The following MCF2L2 variants were observed in gnomAD, a reference collection of about 807,000 sequenced individuals.
MCF2L2 encodes the protein probable guanine nucleotide exchange factor MCF2L2.
In MCF2L2, 102 loss-of-function variants were observed where a neutral mutation model predicts 150.2. That is an observed-to-expected ratio of 0.68 (90% CI 0.58 to 0.80). The LOEUF is 0.80. Among genes scored for constraint, MCF2L2 ranks in the 30% least tolerant of loss-of-function variants. The probability of loss-of-function intolerance (pLI) is 0.00; values close to 1 mark genes in which losing one functional copy is unlikely to be tolerated. For missense variants in MCF2L2, 1,256 were observed against 1,372.8 expected (o/e 0.91, Z 1.34); for synonymous variants, 465 against 491.3 (o/e 0.95, Z 0.71).
At chr3:183,359,955 G>A (rs1046714715) in intron 3 of MCF2L2, among the ~76,000 whole-genome samples, 19 of 152,158 alleles carry the variant, frequency 1.2e-4, no homozygotes, top group African/African-American at 4.6e-4. Flanking sequence ...GCTGGAAAAC[G>A]TGGGTATTGA....
At chr3:183,323,163 C>A in intron 6 of MCF2L2, 72 bp downstream of exon 6, 1 of 1,128,494 alleles carries the variant, frequency 8.9e-7, no homozygotes, top group Non-Finnish European at 1.3e-6. Flanking sequence ...GGCAGTTGAT[C>A]TTTAACTCCC....
At chr3:183,335,774 G>A (rs1054347406) in intron 5 of MCF2L2, among the ~76,000 whole-genome samples, 38 of 152,180 alleles carry the variant, frequency 2.5e-4, no homozygotes, top group African/African-American at 8.2e-4. Context: ...CAGGATGATC[G>A]CTCAAGCCCA....
At chr3:183,231,194 A>G in intron 15 of MCF2L2, 177 bp from the exon 16 acceptor site, 1 of 685,056 alleles carries the variant, frequency 1.5e-6, no homozygotes, top group Non-Finnish European at 2.7e-6. Context: ...GCATCTCACA[A>G]ACGCACACTG....
At chr3:183,274,656 A>G (rs187600367) in intron 15 of MCF2L2, among the ~76,000 whole-genome samples, 56 of 152,310 alleles carry the variant, frequency 3.7e-4, no homozygotes, top group African/African-American at 1.3e-3. Context: ...TTAATTAATG[A>G]CCTATATTTG....
At chr3:183,345,904 G>A (rs542375910) in intron 3 of MCF2L2, among the ~76,000 whole-genome samples, 1 of 152,126 alleles carries the variant, frequency 6.6e-6, no homozygotes, top group African/African-American at 2.4e-5. Flanking sequence ...CCAATAACAA[G>A]CTCTGAAATT....
At chr3:183,277,776 C>CAT (rs199599707) in intron 14 of MCF2L2, among the ~76,000 whole-genome samples, 2,080 of 149,512 alleles carry the variant, frequency 0.014, 40 homozygotes, top group African/African-American at 0.013. Flanking sequence ...GTGGAGGAAA[C>CAT]ATATATATAT....
intron 3 of MCF2L2, among the ~76,000 whole-genome samples, chr3:183,370,721 G>A (rs1577099697): frequency 6.6e-6 from 1 of 152,184 alleles, no homozygotes; most frequent in South Asian, 2.1e-4. Context: ...AGAAGGACAA[G>A]AGCCTGGCAT....
chr3:183,368,492 A>G (rs1386736113), intron 3 of MCF2L2, among the ~76,000 whole-genome samples: 1 of 152,236 alleles, frequency 6.6e-6, no homozygotes, highest in Non-Finnish European at 1.5e-5. Flanking sequence ...GGCCTGGTGC[A>G]GTGGTTCACA....
chr3:183,419,928 C>T (rs1184025469), intron 1 of MCF2L2, among the ~76,000 whole-genome samples: 2 of 152,148 alleles, frequency 1.3e-5, no homozygotes, highest in African/African-American at 2.4e-5. Flanking sequence ...GCCAGATACC[C>T]TAAATCATCT....
chr3:183,368,541 A>G (rs537982701), intron 3 of MCF2L2, among the ~76,000 whole-genome samples: 1 of 152,248 alleles, frequency 6.6e-6, no homozygotes, highest in Non-Finnish European at 1.5e-5. Context: ...AGGCGGGCAA[A>G]TCACTCGAGG....
At position 183,348,644 on chromosome 3, in the gene MCF2L2, G is replaced by A. The variant is rs58526949; in HGVS notation, c.276-7014C>T. Among the ~76,000 whole-genome samples the A allele has an allele frequency of 2.8e-3, 433 of 152,274 alleles. 1 individual carries two copies. Among genetic ancestry groups the A allele is most frequent in the African/African-American group, 0.01 (420 of 41,546 alleles). ...TTACAAAAGATACACTTTTGTGTAT[G>A]AGGAGAGAGTTAGATTGAAAGAAAA... On this transcript the variant is annotated intron_variant, in intron 3 of 29. Transcript: ENST00000328913.
chr3:183,179,174 G>C lies in MCF2L2; in HGVS notation c.*206C>G. The C allele has an allele frequency of 1.7e-6, 1 of 597,540 alleles. No homozygotes were observed. The highest frequency in any genetic ancestry group is 3.5e-5 in the East Asian group (1 of 28,698). 37.0% of individuals were successfully genotyped at this position (597,540 alleles called of 1,614,324 possible). On this transcript the variant is annotated 3_prime_UTR_variant, in exon 30 of 30. Coordinates refer to ENST00000328913, the MANE Select transcript of MCF2L2 (RefSeq NM_015078.4). This position sits in a 1 kb window ranked among gnomAD's most constrained non-coding sequence, Gnocchi z 4.2. ...TGCTCGCCTCTGCAGGCGCCTTAGA[G>C]CAGCTCCGAGGTCCCCCGTGCGGAG...
chr3:183,385,942 G>A (rs1045299134), intron 2 of MCF2L2, among the ~76,000 whole-genome samples: 5 of 152,180 alleles, frequency 3.3e-5, no homozygotes, highest in African/African-American at 1.2e-4. Context: ...GTCTGGAATT[G>A]CAGCAGCCAC....
chr3:183,274,579 AC>A (rs148792716), intron 15 of MCF2L2, among the ~76,000 whole-genome samples: 3,162 of 152,340 alleles, frequency 0.021, 53 homozygotes, highest in East Asian at 0.056. Flanking sequence ...TTATGGTAGA[AC>A]TTTTTACTTG....
intron 9 of MCF2L2, chr3:183,310,501 C>CAA (rs770149863): frequency 7.3e-5 from 18 of 246,072 alleles, no homozygotes; most frequent in South Asian, 1.8e-4. Flanking sequence ...GACTCCAACT[C>CAA]AAAAAAAAAA....
chr3:183,311,090 T>C (rs1729354917), intron 8 of MCF2L2, 61 bp from the exon 9 acceptor site: 2 of 999,314 alleles, frequency 2.0e-6, no homozygotes, highest in South Asian at 1.3e-5. Context: ...GGCATCCATA[T>C]AGGCCTATGG....
intron 22 of MCF2L2, among the ~76,000 whole-genome samples, chr3:183,210,921 A>C (rs763724616): frequency 2.0e-5 from 3 of 152,150 alleles, no homozygotes; most frequent in Non-Finnish European, 4.4e-5. Context: ...CAGCATAAAA[A>C]CAATGTGCCA....
At chr3:183,382,781 G>GTA (rs1713611213) in intron 2 of MCF2L2, among the ~76,000 whole-genome samples, 2 of 152,162 alleles carry the variant, frequency 1.3e-5, no homozygotes, top group Non-Finnish European at 2.9e-5. Flanking sequence ...TAGTTTTAGT[G>GTA]CAGAAAACAT....
chr3:183,183,287 A>G (rs10937116), intron 27 of MCF2L2, among the ~76,000 whole-genome samples: 37,552 of 152,128 alleles, frequency 0.25, 5,932 homozygotes, highest in African/African-American at 0.42. Flanking sequence ...GTGAGCCATC[A>G]TGCCCACCTC....
Sources: allele counts gnomAD v4.1 joint callset (sites outside exome capture counted in the v4.1 genomes callset), GRCh38; gene constraint gnomAD v4.1.1; non-coding constraint Gnocchi (gnomAD v3.1); transcripts MANE v1.5; gene names NCBI Gene and HGNC (gene_info 2026-07-23, HGNC 2026-07-21).